Variants in RADIL observed in about 807,000 individuals in gnomAD.
The protein encoded by RADIL is Rap associating with DIL domain.
RADIL carries 99 observed loss-of-function variants against 97.6 expected under a neutral mutation model. That is an observed-to-expected ratio of 1.01 (90% confidence interval 0.86 to 1.20). The LOEUF (loss-of-function observed/expected upper bound fraction) is 1.20, where lower values mean the gene tolerates loss of function less well. Ranked by LOEUF, RADIL falls within the 50% of genes most tolerant of loss-of-function variation. The pLI, the probability that RADIL is intolerant of heterozygous loss-of-function variation, is 0.00. For synonymous variants in RADIL, 803 were observed against 691.8 expected (o/e 1.16, Z -2.52); for missense variants, 1,765 against 1,498.9 (o/e 1.18, Z -2.93).
At chr7:4,871,436 G>T (rs1174676090) in intron 2 of RADIL, among the ~76,000 whole-genome samples, 1 of 152,238 alleles carries the variant, frequency 6.6e-6, no homozygotes, top group African/African-American at 2.4e-5. Flanking sequence ...GCACACCCCT[G>T]GCTGTCATCG....
chr7:4,809,934 G>C (rs1782491316), intron 9 of RADIL, among the ~76,000 whole-genome samples: 1 of 150,108 alleles, frequency 6.7e-6, no homozygotes, highest in African/African-American at 2.5e-5. Context: ...CTCACTGCCA[G>C]CTCCATCTCC....
chr7:4,877,267 A>T lies in RADIL; in HGVS notation c.535+338T>A, dbSNP rs184262650. ...AGACTATCCTGGGTATCACAGCGAG[A>T]CTCCTGTCTCTACAAAAAGTAAAAA... is the stretch of plus-strand genomic sequence containing the variant. On this transcript the variant is annotated intron_variant, in intron 2 of 14. Transcript: ENST00000399583. Among the ~76,000 whole-genome samples, 267 of 152,134 alleles carry T rather than the reference A, an allele frequency of 1.8e-3. 5 individuals carry two copies. In the East Asian group the frequency reaches 0.045, roughly 26 times the overall value.
intron 11 of RADIL, among the ~76,000 whole-genome samples, chr7:4,802,695 G>A (rs1226396361): frequency 5.7e-5 from 6 of 105,380 alleles, no homozygotes; most frequent in African/African-American, 8.0e-5. Context: ...CTCGGGGCAC[G>A]CTGGCTGGGT....
At chr7:4,851,078 A>G (rs1336225434) in intron 2 of RADIL, among the ~76,000 whole-genome samples, 1 of 151,808 alleles carries the variant, frequency 6.6e-6, no homozygotes, top group African/African-American at 2.4e-5. Context: ...GGTGGCACAC[A>G]CCCGTAATCC....
intron 5 of RADIL, among the ~76,000 whole-genome samples, chr7:4,831,114 C>T (rs1783127337): frequency 1.3e-5 from 2 of 151,510 alleles, no homozygotes; most frequent in South Asian, 4.2e-4. Context: ...TCGCTCGAAC[C>T]TGAGAGGTGG....
In RADIL at chr7:4,873,660, C is replaced by A. The variant is rs899388859; in HGVS notation, c.535+3945G>T. Among the ~76,000 whole-genome samples the A allele has an allele frequency of 1.3e-5, 2 of 152,224 alleles. No homozygotes were observed. Among genetic ancestry groups the A allele is most frequent in the African/African-American group, 4.8e-5 (2 of 41,452 alleles). ...GATTTGTTTCACTGCAGCCCCCCAC[C>A]TTCCCCCAAAGCGACACGGTGACAC... On this transcript the variant is annotated intron_variant, in intron 2 of 14. Transcript: ENST00000399583. The surrounding 1 kb of genome is among the most constrained non-coding windows in gnomAD (Gnocchi z 4.3).
chr7:4,823,331 C>CTTTT (rs60439750), intron 5 of RADIL, among the ~76,000 whole-genome samples: 22 of 129,562 alleles, frequency 1.7e-4, no homozygotes, highest in African/African-American at 4.8e-4. Flanking sequence ...TATTAAAAAC[C>CTTTT]TTTTTTTTTT....
intron 2 of RADIL, among the ~76,000 whole-genome samples, chr7:4,845,970 G>A (rs1783558243): frequency 6.6e-6 from 1 of 152,142 alleles, no homozygotes; most frequent in African/African-American, 2.4e-5. Flanking sequence ...CCCTTCGTTA[G>A]AGAGGGTCAC....
chr7:4,862,332 C>T (rs1158502910), intron 2 of RADIL, among the ~76,000 whole-genome samples: 3 of 152,216 alleles, frequency 2.0e-5, no homozygotes, highest in Non-Finnish European at 2.9e-5. Context: ...CCAAAGACCC[C>T]TTCGTGGTGG....
chr7:4,817,054 G>C lies in RADIL; in HGVS notation c.1728+185C>G, dbSNP rs1051568877. On this transcript the variant is annotated intron_variant, in intron 7 of 14. Transcript: ENST00000399583. This position sits in a 1 kb window ranked among gnomAD's most constrained non-coding sequence, Gnocchi z 8.3. ...GCTTCTGTGCGACCTGAGGAGGAGCGGGTGTGGGGGGTGCAGCTGGGCCTG... is the reference window on the plus strand; with the variant it reads ...GCTTCTGTGCGACCTGAGGAGGAGCCGGTGTGGGGGGTGCAGCTGGGCCTG... Among the ~76,000 whole-genome samples the C allele has an allele frequency of 6.6e-6, 1 of 152,156 alleles. No individual in the cohort carries two copies. Among genetic ancestry groups the C allele is most frequent in the African/African-American group, 2.4e-5 (1 of 41,428 alleles).
In RADIL at chr7:4,832,148, C is replaced by G; in HGVS notation, c.1447G>C (p.Ala483Pro). The G allele has an allele frequency of 6.2e-7, 1 of 1,610,754 alleles. No individual in the cohort carries two copies. Among genetic ancestry groups the G allele is most frequent in the Non-Finnish European group, 8.5e-7 (1 of 1,177,920 alleles). Reference protein sequence around the residue: ...EKTKELAEKQAQLQEPISLAS... With the variant: ...EKTKELAEKQPQLQEPISLAS... ...TAACCGGGTCATACTCACAGTTGCG[C>G]CTGCTTCTCTGCTAGTTCTTTGGTT... Residue 483 changes from alanine (A) to proline (P), a missense_variant, in exon 5 of 15, where the codon GCG becomes CCG. Transcript: ENST00000399583.
rs770537487 is a variant in RADIL, at chr7:4,817,332, G to C, written c.1635C>G (p.Phe545Leu). 2 of 1,612,152 alleles carry C rather than the reference G, an allele frequency of 1.2e-6. No homozygotes were observed. Among genetic ancestry groups the C allele is most frequent in the Non-Finnish European group, 1.7e-6 (2 of 1,179,600 alleles). The change falls in exon 7 of 15, where the codon TTC becomes TTG. Residue 545 changes from phenylalanine to leucine, a missense_variant. Coordinates refer to ENST00000399583, the MANE Select transcript of RADIL (RefSeq NM_018059.5). This position sits in a 1 kb window ranked among gnomAD's most constrained non-coding sequence, Gnocchi z 8.3. ...CCTCGCTGGCCGTCAGCGTGCAGGA[G>C]AACAGCGATTCCTTCGAGCCTGCCG... ...LDITGSKESL[F>L]SCTLTASEEA...
In RADIL at chr7:4,799,373, C is replaced by A. The variant is rs778908331; in HGVS notation, c.*5G>T. The A allele has an allele frequency of 1.2e-6, 2 of 1,612,730 alleles. No individual in the cohort carries two copies. Among genetic ancestry groups the A allele is most frequent in the African/African-American group, 1.3e-5 (1 of 75,010 alleles). On this transcript the variant is annotated 3_prime_UTR_variant, in exon 15 of 15. Coordinates refer to ENST00000399583, the MANE Select transcript of RADIL (RefSeq NM_018059.5). Reference sequence around the variant, plus strand: ...CGGGCCTGTGGGGGTGTCCTCGCAGCCCCCCTAGAGAGGGGGCGTGCGGAA... The same window carrying A: ...CGGGCCTGTGGGGGTGTCCTCGCAGACCCCCTAGAGAGGGGGCGTGCGGAA...
At chr7:4,826,356 T>A (rs11764110) in intron 5 of RADIL, among the ~76,000 whole-genome samples, 9,388 of 152,268 alleles carry the variant, frequency 0.062, 372 homozygotes, top group South Asian at 0.14. Context: ...TCCTAAGATC[T>A]AGTGTTCCAC....
intron 4 of RADIL, among the ~76,000 whole-genome samples, chr7:4,832,549 G>C (rs916078089): frequency 6.6e-6 from 1 of 152,006 alleles, no homozygotes. Context: ...GACCAGCCTG[G>C]ACAACATGGT....
intron 10 of RADIL, 38 bp downstream of exon 10, chr7:4,805,528 G>A: frequency 6.5e-7 from 1 of 1,527,724 alleles, no homozygotes; most frequent in Non-Finnish European, 8.8e-7. Flanking sequence ...GTCTCCCACT[G>A]AGTCCCCAGC....
rs140056635 is a variant in RADIL, at chr7:4,801,890, G to A, written c.2605C>T (p.Leu869Phe). 2.1e-4 allele frequency: 336 copies of A among 1,586,250 alleles called. No homozygotes were observed. The African/African-American group carries it at 3.7e-3, about 18-fold the overall frequency. The change falls in exon 12 of 15, where the codon CTT (leucine) becomes TTT (phenylalanine). Residue 869 changes from leucine to phenylalanine, a missense_variant. Physicochemically the swap from Leu to Phe is conservative, Grantham distance 22. Transcript: ENST00000399583. ...GCCCAGGGAGCCCCCCTCAAGGGAA[G>A]AGTACGCTCCGGGGCCACTTCCCGG... ...AAREVAPERT[L>F]PLRGAPWAQA...
intron 2 of RADIL, among the ~76,000 whole-genome samples, chr7:4,876,580 T>A (rs894191876): frequency 2.6e-5 from 4 of 152,152 alleles, no homozygotes; most frequent in African/African-American, 9.7e-5. Context: ...GGATTACAGG[T>A]GTGAGCCACC....
chr7:4,850,724 AC>A (rs936811810), intron 2 of RADIL, among the ~76,000 whole-genome samples: 3 of 152,144 alleles, frequency 2.0e-5, no homozygotes, highest in African/African-American at 7.2e-5. Flanking sequence ...TCTGCCAACA[AC>A]CTTGTGAGTC....
Sources: gnomAD v4.1 joint callset for allele counts (sites outside exome capture counted in the v4.1 genomes callset) on GRCh38, gnomAD v4.1.1 for gene constraint, Gnocchi (gnomAD v3.1) non-coding constraint, MANE v1.5 for transcripts, NCBI Gene and HGNC (gene_info 2026-07-23, HGNC 2026-07-21) for gene names.